SFTPC: variants seen among roughly 807,000 people sequenced by gnomAD.
The protein encoded by SFTPC is BRICHOS domain containing 6.
SFTPC carries 12 observed loss-of-function variants against 19.9 expected under a neutral mutation model. The ratio of observed to expected loss-of-function variants is 0.60; its 90% confidence interval spans 0.39 to 0.98. The LOEUF (loss-of-function observed/expected upper bound fraction) is 0.98. Ranked by LOEUF, SFTPC falls within the 50% of genes least tolerant of loss-of-function variation. The probability of loss-of-function intolerance (pLI) is 0.00; values close to 1 mark genes in which losing one functional copy is unlikely to be tolerated. For synonymous variants in SFTPC, 123 were observed against 103.3 expected (o/e 1.19, Z -1.16); for missense variants, 219 against 252.2 (o/e 0.87, Z 0.89).
intron 4 of SFTPC, 166 bp from the exon 5 acceptor site, chr8:22,163,735 G>A: frequency 1.2e-6 from 1 of 822,916 alleles, no homozygotes; most frequent in Non-Finnish European, 2.1e-6. Context: ...GGGCTCAGCT[G>A]AGTCCACTCA....
rs1200065902 is a variant in SFTPC at position 22,162,635 on chromosome 8, G to A, written c.104G>A (p.Arg35His). ...GIPCCPVHLK[R>H]LLIVVVVVVL... Reference sequence around the variant, plus strand: ...CCCTGCTGCCCAGTGCACCTGAAACGCCTTCTTATCGTGGTGGTGGTGGTG... The same window carrying A: ...CCCTGCTGCCCAGTGCACCTGAAACACCTTCTTATCGTGGTGGTGGTGGTG... Residue 35 changes from arginine to histidine, a missense_variant, in exon 2 of 6, where the codon CGC (arginine) becomes CAC (histidine). Physicochemically the swap from Arg to His is conservative, Grantham distance 29. Transcript: ENST00000679463. The A allele has an allele frequency of 8.7e-6, 14 of 1,614,080 alleles. No individual in the cohort carries two copies. The highest frequency in any genetic ancestry group is 4.0e-5 in the African/African-American group (3 of 74,938).
upstream of SFTPC, among the ~76,000 whole-genome samples, chr8:22,158,055 C>T (rs559010795): frequency 5.9e-5 from 9 of 152,284 alleles, no homozygotes; most frequent in South Asian, 2.1e-4. Context: ...TCCCCTGTGG[C>T]GGAGGATGAC....
intron 4 of SFTPC, 73 bp downstream of exon 4, chr8:22,163,619 C>T (rs1827871738): frequency 2.9e-6 from 3 of 1,046,094 alleles, no homozygotes; most frequent in Non-Finnish European, 4.5e-6. Flanking sequence ...CGAATGGTGG[C>T]TATTTGTCAC....
At chr8:22,164,161 G>A in intron 5 of SFTPC, 102 bp downstream of exon 5, 1 of 1,549,838 alleles carries the variant, frequency 6.5e-7, no homozygotes, top group Non-Finnish European at 8.7e-7. Context: ...GGCGTCCACT[G>A]AAGCGGGGTC....
At chr8:22,159,952 TC>T, upstream of SFTPC, 1 of 760,910 alleles carries the variant, frequency 1.3e-6, no homozygotes, top group Non-Finnish European at 1.9e-6. Flanking sequence ...GCGAGCTGTC[TC>T]CCACATCTGG....
Position 22,164,435 on chromosome 8 carries a change from G to C in SFTPC, c.*188G>C. The C allele has an allele frequency of 4.0e-6, 6 of 1,487,118 alleles. No homozygotes were observed. Among genetic ancestry groups the C allele is most frequent in the Non-Finnish European group, 5.3e-6 (6 of 1,125,938 alleles). 92.1% of individuals were successfully genotyped at this position (1,487,118 alleles called of 1,614,324 possible). A position where few individuals can be genotyped will look rare whatever the true frequency, so the allele number is the denominator to read the frequency against. ...GCAGAGGTGGCGCCCAGGGGCCCGG[G>C]AACTCCTGCCACAACAGAATAAAGC... On this transcript the variant is annotated 3_prime_UTR_variant, in exon 6 of 6. Transcript: ENST00000679463.
rs2131815144 is a variant in SFTPC, at chr8:22,162,667, A to G, written c.136A>G (p.Ile46Val). The G allele has an allele frequency of 1.9e-6, 3 of 1,614,144 alleles. No individual in the cohort carries two copies. Among genetic ancestry groups the G allele is most frequent in the Middle Eastern group, 1.6e-4 (1 of 6,062 alleles). Reference sequence around the variant, plus strand: ...TATCGTGGTGGTGGTGGTGGTCCTCATCGTCGTGGTGATTGTGGGAGCCCT... The same window carrying G: ...TATCGTGGTGGTGGTGGTGGTCCTCGTCGTCGTGGTGATTGTGGGAGCCCT... ...LLIVVVVVVL[I>V]VVVIVGALLM... Residue 46 changes from isoleucine to valine, a missense_variant, in exon 2 of 6, where the codon ATC (isoleucine) becomes GTC (valine). Coordinates refer to ENST00000679463, the MANE Select transcript of SFTPC (RefSeq NM_001317778.2).
Position 22,163,219 on chromosome 8 carries a change from C to T in SFTPC, c.324+17C>T, listed in dbSNP as rs1827835911. The T allele has an allele frequency of 1.2e-6, 2 of 1,614,004 alleles. No homozygotes were observed. Among genetic ancestry groups the T allele is most frequent in the African/African-American group, 2.7e-5 (2 of 74,924 alleles). On this transcript the variant is annotated intron_variant, in intron 3 of 5. Transcript: ENST00000679463. ...TACCAGCAGGTGGGTATGCCCAGAC[C>T]TCCTGACCCTGGGACCAATGACAAG...
chr8:22,159,750 C>T (rs780385907), upstream of SFTPC: 6 of 1,287,724 alleles, frequency 4.7e-6, no homozygotes, highest in African/African-American at 3.0e-5. Context: ...ACAAGTCCCA[C>T]GTGAGAACAA....
At chr8:22,161,669 G>A (rs533083304), upstream of SFTPC, 37 of 1,598,330 alleles carry the variant, frequency 2.3e-5, no homozygotes, top group Admixed American at 3.2e-4. Context: ...TCTGGGCTTC[G>A]GTTCTGGAGG....
chr8:22,161,904 C>T (rs575634399), intron 1 of SFTPC, 34 bp downstream of exon 1: 38 of 1,603,456 alleles, frequency 2.4e-5, no homozygotes, highest in African/African-American at 1.1e-4. Flanking sequence ...TGTATGTGTG[C>T]GCGCGCACAT....
intron 2 of SFTPC, 136 bp from the exon 3 acceptor site, chr8:22,162,944 C>A: frequency 7.1e-7 from 1 of 1,398,848 alleles, no homozygotes; most frequent in Non-Finnish European, 1.0e-6. Flanking sequence ...CCCTCCAGCA[C>A]CTGGTTCCAC....
chr8:22,162,053 T>C (rs951486958), intron 1 of SFTPC, among the ~76,000 whole-genome samples, 183 bp downstream of exon 1: 1 of 151,992 alleles, frequency 6.6e-6, no homozygotes, highest in Non-Finnish European at 1.5e-5. Flanking sequence ...GGGGAGCTGT[T>C]TGTGGGCCAA....
chr8:22,161,943 C>A, intron 1 of SFTPC, 73 bp downstream of exon 1: 1 of 1,442,706 alleles, frequency 6.9e-7, no homozygotes, highest in South Asian at 1.1e-5. Flanking sequence ...CTCCTCTATC[C>A]TCCCTGGCCT....
chr8:22,158,087 C>T (rs1222193097), upstream of SFTPC, among the ~76,000 whole-genome samples: 6 of 152,168 alleles, frequency 3.9e-5, no homozygotes, highest in Admixed American at 3.3e-4. Flanking sequence ...CTCATAGGCA[C>T]GGGGCAAGGG....
intron 3 of SFTPC, 90 bp from the exon 4 acceptor site, chr8:22,163,346 T>C (rs1398218852): frequency 5.3e-6 from 8 of 1,497,454 alleles, no homozygotes; most frequent in Non-Finnish European, 7.4e-6. Context: ...ATGACTCCCG[T>C]GCCCAACCTA....
rs1391332711 is a variant in SFTPC at position 22,164,310 on chromosome 8, G to C, written c.*63G>C. The C allele has an allele frequency of 8.5e-6, 13 of 1,536,052 alleles. No individual in the cohort carries two copies. The highest frequency in any genetic ancestry group is 2.4e-5 in the East Asian group (1 of 40,932). On this transcript the variant is annotated 3_prime_UTR_variant, in exon 6 of 6. Transcript: ENST00000679463. The stretch of plus-strand genomic sequence containing the variant: ...GGGAAAGGAAACGCCCCGGGCAAAG[G>C]GTCTTTTGCAGCTTTTGCAGACGGG...
intron 1 of SFTPC, among the ~76,000 whole-genome samples, 180 bp from the exon 2 acceptor site, chr8:22,162,394 T>G (rs193152861): frequency 5.3e-4 from 81 of 152,314 alleles, no homozygotes; most frequent in African/African-American, 1.9e-3. Flanking sequence ...ATGGGTTTGT[T>G]AGAATCCAGG....
chr8:22,158,634 G>A (rs905067356), upstream of SFTPC: 2 of 152,218 alleles, frequency 1.3e-5, no homozygotes, highest in Non-Finnish European at 2.9e-5. Context: ...GAGGATGACT[G>A]GATGTCACAC....
Sources: allele counts gnomAD v4.1 joint callset (sites outside exome capture counted in the v4.1 genomes callset), GRCh38; gene constraint gnomAD v4.1.1; transcripts MANE v1.5; gene names NCBI Gene and HGNC (gene_info 2026-07-23, HGNC 2026-07-21).